Variants in TMEM45A observed in about 807,000 individuals in gnomAD.
The protein encoded by TMEM45A is DNA polymerase-transactivated protein 4.
Under a neutral mutation model 32.0 loss-of-function variants are expected in TMEM45A, and 25 were observed. That is an observed-to-expected ratio of 0.78 (90% confidence interval 0.57 to 1.09). The LOEUF is 1.09. Ranked by LOEUF, TMEM45A falls within the 50% of genes least tolerant of loss-of-function variation. The pLI is 0.00. For synonymous variants in TMEM45A, 122 were observed against 114.8 expected, an observed-to-expected ratio of 1.06 and a Z score of -0.40; for missense variants, 302 against 325.0, an observed-to-expected ratio of 0.93 and a Z score of 0.54.
chr3:100,554,426 C>G (rs1706172471), intron 1 of TMEM45A, among the ~76,000 whole-genome samples: 1 of 152,160 alleles, frequency 6.6e-6, no homozygotes, highest in African/African-American at 2.4e-5. Flanking sequence ...ATATGCCACA[C>G]CAAGGTTGCC....
intron 1 of TMEM45A, among the ~76,000 whole-genome samples, chr3:100,499,136 C>A (rs1389238036): frequency 6.6e-6 from 1 of 151,990 alleles, no homozygotes; most frequent in Non-Finnish European, 1.5e-5. Context: ...TTCTTCCATT[C>A]TTCGGGTTAC....
intron 1 of TMEM45A, among the ~76,000 whole-genome samples, chr3:100,497,776 A>T (rs960116708): frequency 4.6e-5 from 7 of 152,154 alleles, no homozygotes; most frequent in African/African-American, 1.4e-4. Context: ...CATTGTATGT[A>T]TATACCATCT....
At chr3:100,501,264 G>A (rs567212794) in intron 1 of TMEM45A, among the ~76,000 whole-genome samples, 1 of 152,320 alleles carries the variant, frequency 6.6e-6, no homozygotes, top group Admixed American at 6.5e-5. Context: ...CCTAACCAAT[G>A]TACAGCTGAA....
chr3:100,574,966 G>A (rs1357520248), intron 5 of TMEM45A, among the ~76,000 whole-genome samples: 2 of 152,132 alleles, frequency 1.3e-5, no homozygotes, highest in Non-Finnish European at 2.9e-5. Context: ...TTCCACAGAA[G>A]TATTTCAAAA....
chr3:100,526,399 A>G (rs1232870368), intron 1 of TMEM45A, among the ~76,000 whole-genome samples: 4 of 152,128 alleles, frequency 2.6e-5, no homozygotes, highest in Non-Finnish European at 1.5e-5. Context: ...TTGAGTCATC[A>G]TTCTTTAAAT....
chr3:100,574,420 G>T (rs1280541424), intron 5 of TMEM45A: 3 of 152,092 alleles, frequency 2.0e-5, no homozygotes, highest in Non-Finnish European at 4.4e-5. Flanking sequence ...TAAATTCCTC[G>T]ACACATACAT....
chr3:100,538,931 C>T (rs1232287569), intron 1 of TMEM45A, among the ~76,000 whole-genome samples: 2 of 151,720 alleles, frequency 1.3e-5, no homozygotes, highest in Non-Finnish European at 2.9e-5. Context: ...AACCATAAAC[C>T]TCTTATGCAA....
intron 1 of TMEM45A, chr3:100,519,426 A>C (rs1329224353): frequency 8.5e-6 from 6 of 702,024 alleles, no homozygotes; most frequent in African/African-American, 1.8e-5. Flanking sequence ...TGACTGTAAG[A>C]TGTCAAGTTT....
intron 1 of TMEM45A, among the ~76,000 whole-genome samples, chr3:100,538,770 A>T (rs1328142349): frequency 2.6e-5 from 4 of 152,120 alleles, no homozygotes; most frequent in Non-Finnish European, 5.9e-5. Flanking sequence ...ATATAAAATT[A>T]AAAAAATATA....
At chr3:100,504,042 G>A (rs1228386740) in intron 1 of TMEM45A, among the ~76,000 whole-genome samples, 3 of 152,142 alleles carry the variant, frequency 2.0e-5, no homozygotes, top group African/African-American at 7.2e-5. Context: ...GGGTGCTCTA[G>A]CCTCTGTATC....
chr3:100,494,426 A>G (rs1032592289), intron 1 of TMEM45A, among the ~76,000 whole-genome samples: 2 of 152,194 alleles, frequency 1.3e-5, no homozygotes, highest in Non-Finnish European at 2.9e-5. Context: ...GATCGAAACC[A>G]TCCTGGCCAA....
chr3:100,497,574 T>C (rs1433062878), intron 1 of TMEM45A, among the ~76,000 whole-genome samples: 3 of 152,228 alleles, frequency 2.0e-5, no homozygotes, highest in Non-Finnish European at 2.9e-5. Flanking sequence ...CCTTACTTTG[T>C]CAGCTTCTGG....
chr3:100,526,517 G>A (rs1559640816), intron 1 of TMEM45A, among the ~76,000 whole-genome samples: 2 of 132,142 alleles, frequency 1.5e-5, no homozygotes, highest in African/African-American at 3.4e-5. Flanking sequence ...ACTAGCTGTG[G>A]GAACCTTTTC....
chr3:100,553,686 C>T (rs1706154310), intron 1 of TMEM45A, among the ~76,000 whole-genome samples: 2 of 152,120 alleles, frequency 1.3e-5, no homozygotes, highest in African/African-American at 4.8e-5. Flanking sequence ...AGGCTTGCCT[C>T]CTTCTTTTAT....
At position 100,558,528 on chromosome 3, in the gene TMEM45A, A is replaced by G. The variant is rs1383465196; in HGVS notation, c.527A>G (p.Asn176Ser). 3.7e-6 allele frequency: 6 copies of G among 1,614,044 alleles called. No individual in the cohort carries two copies. The highest frequency in any genetic ancestry group is 3.3e-5 in the Admixed American group (2 of 60,002). ...TTCCTAGAGTTCCTTGTTCGGAACA[A>G]TGTACTTCTGGAGCTATTGCGGTCA... is the stretch of plus-strand genomic sequence containing the variant. ...VAFLEFLVRN[N>S]VLLELLRSSL... Residue 176 changes from asparagine (N) to serine (S), a missense_variant, in exon 4 of 6, where the codon AAT becomes AGT. Asn to Ser is a conservative substitution (Grantham distance 46). Coordinates refer to ENST00000323523, the MANE Select transcript of TMEM45A (RefSeq NM_018004.3).
intron 1 of TMEM45A, among the ~76,000 whole-genome samples, chr3:100,535,413 G>C (rs946441481): frequency 3.3e-5 from 5 of 152,098 alleles, no homozygotes; most frequent in African/African-American, 1.2e-4. Context: ...AAGAGACCGA[G>C]AGACCAGAGT....
intron 1 of TMEM45A, chr3:100,519,602 C>T: frequency 6.4e-7 from 1 of 1,550,886 alleles, no homozygotes; most frequent in Non-Finnish European, 8.7e-7. Context: ...GATTTAAACA[C>T]CCAAAGGTTA....
At chr3:100,533,633 G>A (rs1296369402) in intron 1 of TMEM45A, among the ~76,000 whole-genome samples, 1 of 152,068 alleles carries the variant, frequency 6.6e-6, no homozygotes, top group African/African-American at 2.4e-5. Context: ...ATGCCTCCCA[G>A]CCCCACCCTT....
chr3:100,516,859 T>C (rs1708270101), intron 1 of TMEM45A, among the ~76,000 whole-genome samples: 1 of 152,144 alleles, frequency 6.6e-6, no homozygotes, highest in African/African-American at 2.4e-5. Context: ...AGAGGTCAAC[T>C]GAGAGGAGAT....
Sources: allele counts gnomAD v4.1 joint callset (sites outside exome capture counted in the v4.1 genomes callset), GRCh38; gene constraint gnomAD v4.1.1; transcripts MANE v1.5; gene names NCBI Gene and HGNC (gene_info 2026-07-23, HGNC 2026-07-21).